PLA2G4A: variants seen among roughly 807,000 people sequenced by gnomAD.
The protein encoded by PLA2G4A is phospholipase A2 group IVA.
Under a neutral mutation model 81.9 loss-of-function variants are expected in PLA2G4A, and 40 were observed. The ratio of observed to expected loss-of-function variants is 0.49; its 90% CI spans 0.38 to 0.64. The LOEUF (loss-of-function observed/expected upper bound fraction) is 0.64. Among genes scored for constraint, PLA2G4A ranks in the 30% least tolerant of loss-of-function variants. The pLI is 0.00. For synonymous variants in PLA2G4A, 302 were observed against 296.9 expected, an observed-to-expected ratio of 1.02 and a Z score of -0.18; for missense variants, 715 against 905.1, an observed-to-expected ratio of 0.79 and a Z score of 2.69.
rs191791668 is a variant in PLA2G4A at position 186,988,723 on chromosome 1, C to T, written c.*215C>T. ...GTAAGGATATACTTAGCTACATTTT[C>T]AGTCAGTATGAACTTCCTGATACAA... is the stretch of plus-strand genomic sequence containing the variant. On this transcript the variant is annotated 3_prime_UTR_variant, in exon 18 of 18. Coordinates refer to ENST00000367466, the MANE Select transcript of PLA2G4A (RefSeq NM_024420.3). 5.5e-5 allele frequency: 24 copies of T among 436,088 alleles called. No homozygotes were observed. The East Asian group carries it at 9.8e-4, about 18-fold the overall frequency. 27.0% of individuals were successfully genotyped at this position (436,088 alleles called of 1,614,324 possible). A position where few individuals can be genotyped will look rare whatever the true frequency, so the allele number is the denominator to read the frequency against.
intron 2 of PLA2G4A, among the ~76,000 whole-genome samples, chr1:186,865,942 T>A (rs1571346604): frequency 6.6e-6 from 1 of 152,182 alleles, no homozygotes; most frequent in East Asian, 1.9e-4. Context: ...AGAAAGACAC[T>A]CAAAGTAATC....
intron 3 of PLA2G4A, among the ~76,000 whole-genome samples, chr1:186,878,435 G>A (rs1400342043): frequency 4.7e-5 from 7 of 150,204 alleles, no homozygotes; most frequent in Non-Finnish European, 8.9e-5. Flanking sequence ...GTTTATTAAT[G>A]GTTTTGGAAT....
At chr1:186,920,927 C>G (rs947967023) in intron 7 of PLA2G4A, among the ~76,000 whole-genome samples, 1 of 152,204 alleles carries the variant, frequency 6.6e-6, no homozygotes, top group African/African-American at 2.4e-5. Context: ...CTGATATCTT[C>G]CGCGCTTTGA....
intron 1 of PLA2G4A, among the ~76,000 whole-genome samples, chr1:186,845,758 T>C (rs532163067): frequency 5.3e-5 from 8 of 152,308 alleles, no homozygotes; most frequent in African/African-American, 1.9e-4. Context: ...GAGAAGTCCA[T>C]CTTGCCCTGA....
intron 1 of PLA2G4A, among the ~76,000 whole-genome samples, chr1:186,840,361 A>G (rs998115483): frequency 6.6e-6 from 1 of 152,108 alleles, no homozygotes; most frequent in African/African-American, 2.4e-5. Context: ...TCAAAAGTGA[A>G]TTGCCATCAC....
At chr1:186,951,376 G>A (rs940994511) in intron 13 of PLA2G4A, among the ~76,000 whole-genome samples, 6 of 151,638 alleles carry the variant, frequency 4.0e-5, no homozygotes, top group Non-Finnish European at 5.9e-5. Context: ...CATATTTGTT[G>A]TAAATGTTTT....
rs565628477 is a variant in PLA2G4A at position 186,953,453 on chromosome 1, T to C, written c.1337-2649T>C. Among the ~76,000 whole-genome samples the C allele has an allele frequency of 1.3e-4, 19 of 149,874 alleles. 1 individual carries two copies. In the South Asian group the frequency reaches 4.1e-3, roughly 32 times the overall value. On this transcript the variant is annotated intron_variant, in intron 13 of 17. Coordinates refer to ENST00000367466, the MANE Select transcript of PLA2G4A (RefSeq NM_024420.3). ...TGAATTTAAAGTGTTCTTTGTATGTTTTATATTACATGTTTTAAATCAAAT... is the reference window on the plus strand; with the variant it reads ...TGAATTTAAAGTGTTCTTTGTATGTCTTATATTACATGTTTTAAATCAAAT...
intron 7 of PLA2G4A, among the ~76,000 whole-genome samples, chr1:186,914,213 C>T (rs1234636406): frequency 1.3e-5 from 2 of 152,020 alleles, no homozygotes; most frequent in African/African-American, 4.8e-5. Flanking sequence ...CCTCAGTCTC[C>T]TAAGTAGCCA....
intron 15 of PLA2G4A, among the ~76,000 whole-genome samples, chr1:186,972,822 C>G (rs1256809553): frequency 2.6e-5 from 4 of 152,140 alleles, no homozygotes; most frequent in Admixed American, 6.6e-5. Flanking sequence ...TTAAACTGAT[C>G]TGCCTACATT....
chr1:186,906,471 C>A (rs1654740367), intron 5 of PLA2G4A, among the ~76,000 whole-genome samples: 1 of 152,128 alleles, frequency 6.6e-6, no homozygotes, highest in African/African-American at 2.4e-5. Flanking sequence ...CTACTGCCTG[C>A]CATGAATGGG....
At chr1:186,831,533 G>A (rs989968547) in intron 1 of PLA2G4A, among the ~76,000 whole-genome samples, 1 of 152,070 alleles carries the variant, frequency 6.6e-6, no homozygotes. Context: ...TCAGATGCAA[G>A]TTATTTTTTA....
At chr1:186,975,174 A>G (rs1408593208) in intron 15 of PLA2G4A, among the ~76,000 whole-genome samples, 1 of 152,218 alleles carries the variant, frequency 6.6e-6, no homozygotes, top group African/African-American at 2.4e-5. Flanking sequence ...AGAAATAACA[A>G]GCTGATTAAT....
chr1:186,975,440 T>C (rs79948742), intron 15 of PLA2G4A, among the ~76,000 whole-genome samples: 9,393 of 152,282 alleles, frequency 0.062, 380 homozygotes, highest in East Asian at 0.16. Context: ...GAAAGTTCAA[T>C]GAAAAGTGTA....
At chr1:186,903,289 T>A (rs1654613672) in intron 5 of PLA2G4A, among the ~76,000 whole-genome samples, 1 of 152,234 alleles carries the variant, frequency 6.6e-6, no homozygotes. Context: ...AATAATGTTT[T>A]ATTGAAAGTA....
At chr1:186,862,198 T>A (rs1333093221) in intron 2 of PLA2G4A, among the ~76,000 whole-genome samples, 1 of 151,208 alleles carries the variant, frequency 6.6e-6, no homozygotes, top group Non-Finnish European at 1.5e-5. Flanking sequence ...CTTTCTGACT[T>A]ATGTCTGTCT....
intron 7 of PLA2G4A, 103 bp from the exon 8 acceptor site, chr1:186,932,660 T>A: frequency 8.4e-7 from 1 of 1,187,920 alleles, no homozygotes; most frequent in Non-Finnish European, 1.3e-6. Context: ...TTACACTTCT[T>A]TGTGACAAAA....
chr1:186,962,153 A>G (rs1413338379), intron 14 of PLA2G4A, among the ~76,000 whole-genome samples: 1 of 151,974 alleles, frequency 6.6e-6, no homozygotes, highest in East Asian at 1.9e-4. Flanking sequence ...CCCAAAGTGT[A>G]AGAGTAGTGA....
chr1:186,964,059 G>C (rs190863757), intron 14 of PLA2G4A, among the ~76,000 whole-genome samples: 274 of 152,288 alleles, frequency 1.8e-3, no homozygotes, highest in Middle Eastern at 3.4e-3. Context: ...ACATATACTA[G>C]GTTCCTACTG....
chr1:186,911,276 G>A lies in PLA2G4A; in HGVS notation c.445G>A (p.Ala149Thr). The A allele has an allele frequency of 6.2e-7, 1 of 1,612,346 alleles. No homozygotes were observed. The highest frequency in any genetic ancestry group is 8.5e-7 in the Non-Finnish European group (1 of 1,178,400). Residue 149 changes from alanine to threonine, a missense_variant, in exon 7 of 18, where the codon GCT (alanine) becomes ACT (threonine). Physicochemically the swap from Ala to Thr is moderately conservative, Grantham distance 58 (BLOSUM62 0). Transcript: ENST00000367466. ...ATGCCCAGACCTACGATTTAGTATG[G>A]CTCTGTGTGATCAGGAGAAGACTTT... is the stretch of plus-strand genomic sequence containing the variant. ...CSCPDLRFSM[A>T]LCDQEKTFRQ...
Sources: gnomAD v4.1 joint callset for allele counts (sites outside exome capture counted in the v4.1 genomes callset) on GRCh38, gnomAD v4.1.1 for gene constraint, MANE v1.5 for transcripts, NCBI Gene and HGNC (gene_info 2026-07-23, HGNC 2026-07-21) for gene names.